EXOC6B: variants seen among roughly 807,000 people sequenced by gnomAD.
EXOC6B encodes exocyst complex component 6B, also known as SEC15 homolog B.
A neutral mutation model predicts 113.5 loss-of-function variants in EXOC6B; 54 were observed. The ratio of observed to expected loss-of-function variants is 0.48; its 90% CI spans 0.38 to 0.60. EXOC6B has a LOEUF of 0.60. Among genes scored for constraint, EXOC6B ranks in the 20% least tolerant of loss-of-function variants. EXOC6B has a pLI of 0.00. For synonymous variants in EXOC6B, 357 were observed against 339.0 expected (o/e 1.05, Z -0.58); for missense variants, 797 against 977.5 (o/e 0.82, Z 2.46).
At chr2:72,662,276 A>C (rs1675076626) in intron 6 of EXOC6B, among the ~76,000 whole-genome samples, 1 of 152,294 alleles carries the variant, frequency 6.6e-6, no homozygotes, top group Non-Finnish European at 1.5e-5. Flanking sequence ...ATAAGACAAA[A>C]AGTTCTTAGA....
At chr2:72,203,324 T>C (rs892580500) in intron 20 of EXOC6B, among the ~76,000 whole-genome samples, 1 of 152,232 alleles carries the variant, frequency 6.6e-6, no homozygotes, top group Non-Finnish European at 1.5e-5. Context: ...ATTTCTTTTG[T>C]CTTGTCTCCC....
At chr2:72,288,967 G>T (rs866479654) in intron 20 of EXOC6B, 24 of 235,390 alleles carry the variant, frequency 1.0e-4, no homozygotes, top group African/African-American at 5.3e-4. Context: ...CCCCAGATTT[G>T]CTGTGCAACT....
At chr2:72,506,872 T>A (rs1700622313) in intron 11 of EXOC6B, among the ~76,000 whole-genome samples, 1 of 152,134 alleles carries the variant, frequency 6.6e-6, no homozygotes, top group Non-Finnish European at 1.5e-5. Flanking sequence ...AAATATCTTT[T>A]CAGTATTATC....
chr2:72,275,869 G>A (rs1389744855), intron 20 of EXOC6B, among the ~76,000 whole-genome samples: 5 of 152,054 alleles, frequency 3.3e-5, no homozygotes, highest in Non-Finnish European at 5.9e-5. Context: ...TTTTTTGGGG[G>A]GTGGTGGTCT....
intron 8 of EXOC6B, among the ~76,000 whole-genome samples, chr2:72,554,563 C>T (rs987740767): frequency 1.3e-5 from 2 of 152,136 alleles, no homozygotes; most frequent in South Asian, 2.1e-4. Flanking sequence ...GAAGAAGTTG[C>T]CTGCTTCCCC....
chr2:72,291,007 A>ACAT (rs1353485066), intron 20 of EXOC6B, among the ~76,000 whole-genome samples: 3 of 152,194 alleles, frequency 2.0e-5, no homozygotes, highest in Admixed American at 2.0e-4. Context: ...TTAAAGAATG[A>ACAT]CATTATCTTT....
At chr2:72,572,457 G>A (rs907028489) in intron 7 of EXOC6B, among the ~76,000 whole-genome samples, 2 of 152,160 alleles carry the variant, frequency 1.3e-5, no homozygotes, top group African/African-American at 2.4e-5. Context: ...GAAATTTCAT[G>A]CAAAACATTT....
At chr2:72,719,099 C>T (rs1679828871) in intron 5 of EXOC6B, among the ~76,000 whole-genome samples, 1 of 152,182 alleles carries the variant, frequency 6.6e-6, no homozygotes, top group South Asian at 2.1e-4. Context: ...GACTCTGTAG[C>T]TTTCTTGCCT....
intron 1 of EXOC6B, among the ~76,000 whole-genome samples, chr2:72,809,919 C>T (rs1284037936): frequency 6.6e-6 from 1 of 152,104 alleles, no homozygotes; most frequent in Non-Finnish European, 1.5e-5. Flanking sequence ...TTATAAAACA[C>T]AACACCCAAC....
chr2:72,408,333 A>G (rs1199293590), intron 18 of EXOC6B, among the ~76,000 whole-genome samples: 3 of 152,298 alleles, frequency 2.0e-5, no homozygotes, highest in Middle Eastern at 3.4e-3. Context: ...TCAAGCTACA[A>G]ATGACTTTCT....
intron 20 of EXOC6B, among the ~76,000 whole-genome samples, chr2:72,271,727 C>T (rs930694051): frequency 6.6e-6 from 1 of 152,100 alleles, no homozygotes; most frequent in Admixed American, 6.6e-5. Flanking sequence ...TGCACATATA[C>T]CACAACACAT....
intron 18 of EXOC6B, among the ~76,000 whole-genome samples, chr2:72,435,211 T>A (rs1695777781): frequency 6.6e-6 from 1 of 152,144 alleles, no homozygotes; most frequent in Non-Finnish European, 1.5e-5. Context: ...TGCAGTTGTG[T>A]TGTTTTGAGT....
At chr2:72,373,905 C>T (rs770476765) in intron 19 of EXOC6B, among the ~76,000 whole-genome samples, 6 of 152,026 alleles carry the variant, frequency 3.9e-5, no homozygotes, top group Admixed American at 6.6e-5. Context: ...GGGTGGATCA[C>T]GGGTCTGGAG....
At chr2:72,297,464 T>C (rs1190990934) in intron 20 of EXOC6B, among the ~76,000 whole-genome samples, 5 of 152,168 alleles carry the variant, frequency 3.3e-5, no homozygotes. Context: ...CACTTATATA[T>C]GAGAACATGT....
At chr2:72,536,356 TC>T (rs1393204648) in intron 8 of EXOC6B, among the ~76,000 whole-genome samples, 7 of 152,170 alleles carry the variant, frequency 4.6e-5, no homozygotes, top group Admixed American at 6.6e-5. Context: ...CTTACTTTGA[TC>T]CCCCCAGCAT....
intron 1 of EXOC6B, among the ~76,000 whole-genome samples, chr2:72,743,333 CT>C (rs1175264093): frequency 2.0e-5 from 3 of 152,128 alleles, no homozygotes; most frequent in African/African-American, 4.8e-5. Flanking sequence ...AATCTTGATT[CT>C]TTACTGCTGC....
intron 19 of EXOC6B, among the ~76,000 whole-genome samples, chr2:72,352,242 T>C (rs554126371): frequency 1.1e-4 from 17 of 152,176 alleles, no homozygotes; most frequent in African/African-American, 4.1e-4. Flanking sequence ...ATTATCCCAC[T>C]AGTGACCCTA....
intron 20 of EXOC6B, among the ~76,000 whole-genome samples, chr2:72,242,659 C>T (rs568358366): frequency 9.5e-4 from 144 of 152,242 alleles, no homozygotes; most frequent in African/African-American, 3.3e-3. Flanking sequence ...AAACACAAAA[C>T]GGTCTAAATG....
intron 18 of EXOC6B, among the ~76,000 whole-genome samples, chr2:72,401,200 C>T (rs1693129202): frequency 6.6e-6 from 1 of 151,216 alleles, no homozygotes; most frequent in African/African-American, 2.4e-5. Context: ...GTAACTCACG[C>T]CTGTAACCCC....
Sources: allele counts gnomAD v4.1 joint callset (sites outside exome capture counted in the v4.1 genomes callset), GRCh38; gene constraint gnomAD v4.1.1; transcripts MANE v1.5; gene names NCBI Gene and HGNC (gene_info 2026-07-23, HGNC 2026-07-21).